The following EML1 variants were observed in gnomAD, a reference collection of about 807,000 sequenced individuals.
EML1 encodes EMAP like 1.
A neutral mutation model predicts 110.4 loss-of-function variants in EML1; 27 were observed. The ratio of observed to expected loss-of-function variants is 0.24; its 90% CI spans 0.18 to 0.34. The LOEUF (loss-of-function observed/expected upper bound fraction) is 0.34, where lower values mean the gene tolerates loss of function less well. EML1 is among the 10% of genes least tolerant of loss of function. EML1 has a pLI of 1.00. For synonymous variants in EML1, 344 were observed against 385.8 expected, an observed-to-expected ratio of 0.89 and a Z score of 1.27; for missense variants, 741 against 1,030.9, an observed-to-expected ratio of 0.72 and a Z score of 3.85.
chr14:99,882,139 A>G (rs570477555), intron 4 of EML1, among the ~76,000 whole-genome samples: 1 of 152,246 alleles, frequency 6.6e-6, no homozygotes, highest in African/African-American at 2.4e-5. Context: ...TGTATTATTG[A>G]TGATAAATGA....
chr14:99,916,683 A>G (rs1306311670), intron 15 of EML1, among the ~76,000 whole-genome samples: 1 of 151,928 alleles, frequency 6.6e-6, no homozygotes, highest in East Asian at 1.9e-4. Context: ...CTGTAAGCCC[A>G]TTGACCTATC....
intron 2 of EML1, among the ~76,000 whole-genome samples, chr14:99,855,720 A>C (rs938208047): frequency 6.6e-6 from 1 of 152,230 alleles, no homozygotes; most frequent in African/African-American, 2.4e-5. Flanking sequence ...CAACTTTTAC[A>C]ATCAGTTATA....
chr14:99,819,820 A>T (rs1299388301), intron 1 of EML1, among the ~76,000 whole-genome samples: 1 of 152,234 alleles, frequency 6.6e-6, no homozygotes, highest in East Asian at 1.9e-4. Flanking sequence ...CCACGCAGCC[A>T]GCCTCACTGG....
intron 1 of EML1, among the ~76,000 whole-genome samples, chr14:99,760,916 A>G (rs1054438231): frequency 6.6e-6 from 1 of 151,996 alleles, no homozygotes; most frequent in Non-Finnish European, 1.5e-5. Flanking sequence ...TCTGCTACCC[A>G]TGGACCACAG....
chr14:99,884,485 A>G (rs1022533755), intron 4 of EML1, among the ~76,000 whole-genome samples: 1 of 152,188 alleles, frequency 6.6e-6, no homozygotes, highest in Non-Finnish European at 1.5e-5. Context: ...CAGTGGCACA[A>G]TGCCTGCAGG....
chr14:99,782,546 T>A (rs1475646460), intron 1 of EML1, among the ~76,000 whole-genome samples: 1 of 152,092 alleles, frequency 6.6e-6, no homozygotes. Context: ...GAGCCCAGGG[T>A]CAGTTCTCAG....
chr14:99,816,788 G>T (rs2058175039), intron 1 of EML1, among the ~76,000 whole-genome samples: 1 of 152,266 alleles, frequency 6.6e-6, no homozygotes, highest in African/African-American at 2.4e-5. Context: ...GGATGGAGCT[G>T]TGTGTGGCTG....
intron 1 of EML1, among the ~76,000 whole-genome samples, chr14:99,810,901 T>A (rs1032640836): frequency 3.3e-5 from 5 of 152,236 alleles, no homozygotes; most frequent in African/African-American, 9.6e-5. Context: ...ATCATCCACA[T>A]ACATATACAT....
At chr14:99,764,246 TCA>T (rs2057344723) in intron 1 of EML1, among the ~76,000 whole-genome samples, 1 of 152,230 alleles carries the variant, frequency 6.6e-6, no homozygotes, top group Non-Finnish European at 1.5e-5. Context: ...CACAGAGGTC[TCA>T]CAGCAGCTCT....
intron 3 of EML1, among the ~76,000 whole-genome samples, chr14:99,877,884 G>T (rs894050051): frequency 6.6e-6 from 1 of 152,024 alleles, no homozygotes; most frequent in African/African-American, 2.4e-5. Flanking sequence ...GAAGGATGTC[G>T]CCAGACATTG....
intron 16 of EML1, among the ~76,000 whole-genome samples, chr14:99,919,761 A>T (rs2060099198): frequency 6.6e-6 from 1 of 152,180 alleles, no homozygotes; most frequent in Admixed American, 6.5e-5. Flanking sequence ...CCCAGCCTTT[A>T]TTAAGGTTAA....
intron 1 of EML1, among the ~76,000 whole-genome samples, chr14:99,752,040 C>T (rs1167216804): frequency 6.6e-6 from 1 of 152,138 alleles, no homozygotes; most frequent in South Asian, 2.1e-4. Context: ...CCAGCCCTTG[C>T]TGGAGGCATC....
In EML1 at chr14:99,939,572, G is replaced by A. The variant is rs1200379225; in HGVS notation, c.2322+245G>A. On this transcript the variant is annotated intron_variant, in intron 21 of 21. Coordinates refer to ENST00000262233, the MANE Select transcript of EML1 (RefSeq NM_004434.3). The surrounding 1 kb of genome is among the most constrained non-coding windows in gnomAD (Gnocchi z 4.2). Reference sequence around the variant, plus strand: ...TGCAGCCCCACAGGCTCACGACCCCGCCCTCCCCCACGGCTCCCTTGCTCC... The same window carrying A: ...TGCAGCCCCACAGGCTCACGACCCCACCCTCCCCCACGGCTCCCTTGCTCC... Among the ~76,000 whole-genome samples, 3 of 151,968 alleles carry A rather than the reference G, an allele frequency of 2.0e-5. No homozygotes were observed. The highest frequency in any genetic ancestry group is 4.4e-5 in the Non-Finnish European group (3 of 67,996).
Position 99,767,472 on chromosome 14 carries a change from C to T in EML1, c.28+29612C>T, listed in dbSNP as rs545015757. ...CAAAAATTAGCTGGGTGTGGTGGCA[C>T]GCACCTGTAGGCCCTGCTACTCGGG... On this transcript the variant is annotated intron_variant, in intron 1 of 10. Transcript: ENST00000554479. Among the ~76,000 whole-genome samples, 110 of 152,232 alleles carry T rather than the reference C, an allele frequency of 7.2e-4. 1 individual carries two copies. Among genetic ancestry groups the T allele is most frequent in the African/African-American group, 2.3e-3 (97 of 41,524 alleles).
At chr14:99,797,453 G>A (rs2057796155) in intron 1 of EML1, among the ~76,000 whole-genome samples, 1 of 152,078 alleles carries the variant, frequency 6.6e-6, no homozygotes, top group Non-Finnish European at 1.5e-5. Context: ...CATTTCTCTT[G>A]GGCAGATATC....
intron 5 of EML1, chr14:99,892,005 A>G (rs2059595346): frequency 3.5e-6 from 1 of 285,670 alleles, no homozygotes; most frequent in South Asian, 1.4e-4. Flanking sequence ...CGCACTTGTC[A>G]GGATCCCTGA....
At chr14:99,787,268 C>CTTTTTT (rs34680462) in intron 1 of EML1, among the ~76,000 whole-genome samples, 5 of 101,610 alleles carry the variant, frequency 4.9e-5, no homozygotes, top group Non-Finnish European at 5.7e-5. Flanking sequence ...CTCTGAGATT[C>CTTTTTT]TTTTTTTTTT....
chr14:99,758,414 G>A (rs905039210), intron 1 of EML1, among the ~76,000 whole-genome samples: 2 of 152,124 alleles, frequency 1.3e-5, no homozygotes, highest in Admixed American at 6.5e-5. Flanking sequence ...TGTGGGGGAG[G>A]AGACCTGCCT....
In EML1 at chr14:99,775,375, C is replaced by T. The variant is rs888306952; in HGVS notation, c.-27+1362C>T. ...GGGCATATGACAGGGAGGGAAGAGC[C>T]GGCTCCCGGAACAGTGGCATTTGAG... On this transcript the variant is annotated intron_variant, in intron 1 of 22. Transcript: ENST00000327921. Among the ~76,000 whole-genome samples the T allele has an allele frequency of 1.1e-4, 16 of 152,242 alleles. No homozygotes were observed. In the East Asian group the frequency reaches 2.7e-3, roughly 26 times the overall value.
Sources: gnomAD v4.1 joint callset for allele counts (sites outside exome capture counted in the v4.1 genomes callset) on GRCh38, gnomAD v4.1.1 for gene constraint, Gnocchi (gnomAD v3.1) non-coding constraint, MANE v1.5 for transcripts, NCBI Gene and HGNC (gene_info 2026-07-23, HGNC 2026-07-21) for gene names.